Variants in ADAMTS16 observed in about 807,000 individuals in gnomAD.
The protein encoded by ADAMTS16 is ADAM metallopeptidase with thrombospondin type 1 motif 16, also known as A disintegrin and metalloproteinase with thrombospondin motifs 16.
Under a neutral mutation model 145.8 loss-of-function variants are expected in ADAMTS16, and 94 were observed. The observed-to-expected ratio is 0.64, with a 90% CI of 0.55 to 0.77. The LOEUF (loss-of-function observed/expected upper bound fraction) is 0.77. Among genes scored for constraint, ADAMTS16 ranks in the 30% least tolerant of loss-of-function variants. The pLI is 0.00. For synonymous variants in ADAMTS16, 659 were observed against 604.3 expected, an observed-to-expected ratio of 1.09 and a Z score of -1.33; for missense variants, 1,585 against 1,591.5, an observed-to-expected ratio of 1.00 and a Z score of 0.07.
intron 12 of ADAMTS16, among the ~76,000 whole-genome samples, chr5:5,234,647 G>A (rs1397971886): frequency 6.6e-6 from 1 of 152,062 alleles, no homozygotes; most frequent in African/African-American, 2.4e-5. Flanking sequence ...TGAGGTGCAC[G>A]GACAACAGGG....
chr5:5,299,108 C>T lies in ADAMTS16; in HGVS notation c.2790-4160C>T, dbSNP rs150897338. The stretch of plus-strand genomic sequence containing the variant: ...ATCAATGCCTCGTGTAGGTTTGTGT[C>T]GTGACAAGGTTTCTGCCCCATTGTT... On this transcript the variant is annotated intron_variant, in intron 18 of 22. Transcript: ENST00000274181. Among the ~76,000 whole-genome samples, 470 of 152,330 alleles carry T rather than the reference C, an allele frequency of 3.1e-3. 1 individual carries two copies. The highest frequency in any genetic ancestry group is 0.011 in the African/African-American group (440 of 41,574).
chr5:5,203,713 A>G (rs1736016165), intron 9 of ADAMTS16, among the ~76,000 whole-genome samples: 1 of 152,190 alleles, frequency 6.6e-6, no homozygotes, highest in African/African-American at 2.4e-5. Flanking sequence ...TTAGCTCATT[A>G]TTTTAAATTT....
chr5:5,231,894 G>T (rs1233492594), intron 11 of ADAMTS16, among the ~76,000 whole-genome samples: 1 of 152,100 alleles, frequency 6.6e-6, no homozygotes, highest in Non-Finnish European at 1.5e-5. Flanking sequence ...AGGTGCTTTG[G>T]GGGGAAAGCA....
chr5:5,299,734 G>A (rs1264599483), intron 18 of ADAMTS16, among the ~76,000 whole-genome samples: 2 of 150,836 alleles, frequency 1.3e-5, no homozygotes, highest in African/African-American at 5.0e-5. Context: ...GGGCCAGTGG[G>A]GACTGCGTCT....
At chr5:5,240,437 C>A (rs1465050087) in intron 16 of ADAMTS16, among the ~76,000 whole-genome samples, 2 of 152,224 alleles carry the variant, frequency 1.3e-5, no homozygotes, top group African/African-American at 4.8e-5. Flanking sequence ...CCGAGCAGTT[C>A]TGTTTACTCA....
intron 12 of ADAMTS16, 125 bp from the exon 13 acceptor site, chr5:5,234,888 AG>A (rs1737049856): frequency 2.2e-5 from 8 of 366,486 alleles, no homozygotes; most frequent in Non-Finnish European, 1.2e-5. Flanking sequence ...AAAAAAAAAA[AG>A]AATCCACTTT....
chr5:5,169,546 T>C (rs1342508215), intron 3 of ADAMTS16, among the ~76,000 whole-genome samples: 1 of 152,226 alleles, frequency 6.6e-6, no homozygotes, highest in Non-Finnish European at 1.5e-5. Flanking sequence ...GCCTTTGGTG[T>C]ACTGGTCCTC....
At chr5:5,154,970 A>AATCTACTTTTAAAGAGAGTGCTTGCT (rs542842286) in intron 3 of ADAMTS16, among the ~76,000 whole-genome samples, 51 of 152,238 alleles carry the variant, frequency 3.4e-4, no homozygotes, top group African/African-American at 1.2e-3. Context: ...GGATGTCTGA[A>AATCTACTTTTAAAGAGAGTGCTTGCT]ATCTACTTTT....
At chr5:5,195,191 G>A (rs989440984) in intron 8 of ADAMTS16, among the ~76,000 whole-genome samples, 1 of 152,194 alleles carries the variant, frequency 6.6e-6, no homozygotes, top group African/African-American at 2.4e-5. Flanking sequence ...GTGTTCTCCT[G>A]TAGTACATGG....
chr5:5,266,120 G>A (rs572243644), intron 18 of ADAMTS16, among the ~76,000 whole-genome samples: 2 of 152,064 alleles, frequency 1.3e-5, no homozygotes, highest in East Asian at 3.9e-4. Context: ...GAAATGTTGA[G>A]TGCTTGAATG....
intron 9 of ADAMTS16, among the ~76,000 whole-genome samples, chr5:5,206,223 G>A (rs1201220544): frequency 6.7e-6 from 1 of 150,124 alleles, no homozygotes; most frequent in East Asian, 2.0e-4. Flanking sequence ...TCAGGAGATC[G>A]AGACCATCCC....
intron 17 of ADAMTS16, among the ~76,000 whole-genome samples, chr5:5,259,249 C>T (rs562428682): frequency 1.3e-5 from 2 of 152,338 alleles, no homozygotes; most frequent in East Asian, 3.9e-4. Flanking sequence ...TGAGTCCCAC[C>T]TGAGCTGCAA....
intron 10 of ADAMTS16, among the ~76,000 whole-genome samples, chr5:5,220,068 T>C (rs1736548549): frequency 6.6e-6 from 1 of 152,144 alleles, no homozygotes; most frequent in African/African-American, 2.4e-5. Context: ...AATGACTACA[T>C]GTTCCATGTG....
intron 17 of ADAMTS16, 86 bp downstream of exon 17, chr5:5,242,277 A>C: frequency 6.6e-7 from 1 of 1,526,382 alleles, no homozygotes; most frequent in Non-Finnish European, 8.8e-7. Context: ...TTGAATCCTA[A>C]TGAGCAGCCC....
intron 18 of ADAMTS16, among the ~76,000 whole-genome samples, chr5:5,290,694 T>C (rs1739273730): frequency 6.6e-6 from 1 of 152,212 alleles, no homozygotes. Flanking sequence ...GCTAAAATTC[T>C]TGTTTCCATG....
intron 18 of ADAMTS16, among the ~76,000 whole-genome samples, chr5:5,265,151 A>C (rs749997261): frequency 6.6e-6 from 1 of 152,210 alleles, no homozygotes; most frequent in South Asian, 2.1e-4. Context: ...AGCAAAAGTG[A>C]TCTTCCTGTC....
At chr5:5,242,985 AT>A (rs1304105143) in intron 17 of ADAMTS16, among the ~76,000 whole-genome samples, 2 of 152,250 alleles carry the variant, frequency 1.3e-5, no homozygotes, top group Non-Finnish European at 2.9e-5. Flanking sequence ...TAAGAAGTTA[AT>A]TTAGACAATA....
At chr5:5,157,055 A>G (rs1734622216) in intron 3 of ADAMTS16, among the ~76,000 whole-genome samples, 1 of 151,296 alleles carries the variant, frequency 6.6e-6, no homozygotes, top group Admixed American at 6.6e-5. Flanking sequence ...AAATAATAAC[A>G]TCCATCATTT....
Position 5,236,951 on chromosome 5 carries a change from T to A in ADAMTS16, c.2024-18T>A. On this transcript the variant is annotated intron_variant, in intron 13 of 22. Coordinates refer to ENST00000274181, the MANE Select transcript of ADAMTS16 (RefSeq NM_139056.4). ...AGTATTTTTCTTATTTGTGTTTGTG[T>A]GTGTATTTCTTTTTAAGATCAGGAC... The A allele has an allele frequency of 6.2e-7, 1 of 1,600,338 alleles. No individual in the cohort carries two copies. The highest frequency in any genetic ancestry group is 1.3e-5 in the African/African-American group (1 of 74,490).
Sources: allele counts gnomAD v4.1 joint callset (sites outside exome capture counted in the v4.1 genomes callset), GRCh38; gene constraint gnomAD v4.1.1; transcripts MANE v1.5; gene names NCBI Gene and HGNC (gene_info 2026-07-23, HGNC 2026-07-21).